The following ME3 variants were observed in gnomAD, a reference collection of about 807,000 sequenced individuals.
ME3 encodes the protein malic enzyme 3.
ME3 carries 48 observed loss-of-function variants against 68.9 expected under a neutral mutation model. The ratio of observed to expected loss-of-function variants is 0.70; its 90% CI spans 0.55 to 0.89. The LOEUF is 0.89. Ranked by LOEUF, ME3 falls within the 40% of genes least tolerant of loss-of-function variation. The pLI, the probability that ME3 is intolerant of heterozygous loss-of-function variation, is 0.00. For synonymous variants in ME3, 320 were observed against 318.8 expected (o/e 1.00, Z -0.04); for missense variants, 675 against 797.4 (o/e 0.85, Z 1.85).
chr11:86,668,254 G>A (rs1247921223), intron 2 of ME3: 1 of 152,060 alleles, frequency 6.6e-6, no homozygotes, highest in Non-Finnish European at 1.5e-5. Context: ...TTTGGAAAAT[G>A]AAAATGTTGG....
intron 2 of ME3, among the ~76,000 whole-genome samples, chr11:86,575,053 G>T (rs1958023621): frequency 6.8e-6 from 1 of 147,086 alleles, no homozygotes; most frequent in Admixed American, 6.7e-5. Flanking sequence ...GACACAGCCT[G>T]CTTTCAGTGT....
intron 2 of ME3, among the ~76,000 whole-genome samples, chr11:86,598,627 G>C (rs1959996456): frequency 2.0e-5 from 3 of 152,196 alleles, no homozygotes; most frequent in Admixed American, 2.0e-4. Flanking sequence ...CTGGAGATCT[G>C]AGAATGGGAA....
chr11:86,484,587 T>G (rs1221074621), intron 7 of ME3, among the ~76,000 whole-genome samples: 1 of 152,212 alleles, frequency 6.6e-6, no homozygotes, highest in Non-Finnish European at 1.5e-5. Flanking sequence ...GAGGATAGTT[T>G]GAACAGCTTC....
intron 4 of ME3, among the ~76,000 whole-genome samples, chr11:86,514,415 T>C (rs1953748010): frequency 6.6e-6 from 1 of 152,164 alleles, no homozygotes; most frequent in Non-Finnish European, 1.5e-5. Flanking sequence ...CAGGAGGTGC[T>C]CCTACCTAGG....
intron 2 of ME3, among the ~76,000 whole-genome samples, chr11:86,593,830 A>G (rs771048950): frequency 6.8e-6 from 1 of 146,788 alleles, no homozygotes; most frequent in African/African-American, 2.5e-5. Context: ...CTAAAATGTT[A>G]TTAAAAAACA....
intron 5 of ME3, among the ~76,000 whole-genome samples, chr11:86,499,435 T>A (rs536509507): frequency 2.3e-4 from 35 of 152,290 alleles, no homozygotes; most frequent in African/African-American, 8.2e-4. Context: ...GGAACCTGGC[T>A]TTGGATCCAT....
At position 86,521,414 on chromosome 11, in the gene ME3, AAAAC is replaced by A. The variant is rs1373712021; in HGVS notation, c.468-12551_468-12548del. 4.3e-4 allele frequency among the ~76,000 whole-genome samples: 46 copies of A among 108,192 alleles called. 1 individual carries two copies. Among genetic ancestry groups the A allele is most frequent in the Non-Finnish European group, 5.4e-4 (27 of 49,980 alleles). The allele number at this position is 108,192 out of a possible 152,430, so 71.0% of individuals were successfully genotyped here. A position where few individuals can be genotyped will look rare whatever the true frequency, so the allele number is the denominator to read the frequency against. ...CATCTCAAAAACAAACAAACAAAAC[AAAAC>A]AAAACAAAACAAAAATAATAATAAT... is the stretch of plus-strand genomic sequence containing the variant. On this transcript the variant is annotated intron_variant, in intron 4 of 14. Transcript: ENST00000543262.
chr11:86,523,007 T>C (rs1414537234), intron 4 of ME3, among the ~76,000 whole-genome samples: 1 of 152,160 alleles, frequency 6.6e-6, no homozygotes, highest in African/African-American at 2.4e-5. Context: ...CCACAGTCTT[T>C]TGCCCTTCAT....
Position 86,605,945 on chromosome 11 carries a change from C to T in ME3, c.184-46122G>A, listed in dbSNP as rs550963750. Among the ~76,000 whole-genome samples, 91 of 152,274 alleles carry T rather than the reference C, an allele frequency of 6.0e-4. 1 individual carries two copies. The highest frequency in any genetic ancestry group is 9.6e-4 in the Non-Finnish European group (65 of 68,030). On this transcript the variant is annotated intron_variant, in intron 2 of 14. Coordinates refer to ENST00000543262, the Ensembl canonical transcript of ME3. Reference sequence around the variant, plus strand: ...CCAACCTCACCCCAAGTCCCATGGGCCTCCCACAAGTGCCCAGAAAAATCT... The same window carrying T: ...CCAACCTCACCCCAAGTCCCATGGGTCTCCCACAAGTGCCCAGAAAAATCT...
At chr11:86,449,742 T>C (rs1045349506) in intron 10 of ME3, 147 bp downstream of exon 10, 1 of 602,246 alleles carries the variant, frequency 1.7e-6, no homozygotes, top group Non-Finnish European at 2.9e-6. Context: ...TACTTTGGGA[T>C]GAATCTTTTG....
intron 4 of ME3, among the ~76,000 whole-genome samples, chr11:86,530,110 C>A (rs1250923987): frequency 6.6e-6 from 1 of 152,216 alleles, no homozygotes; most frequent in African/African-American, 2.4e-5. Context: ...ACCCCATTGT[C>A]TCAGCCCAAA....
Position 86,478,184 on chromosome 11 carries a change from T to C in ME3, c.809+9153A>G, listed in dbSNP as rs377616014. Among the ~76,000 whole-genome samples, 10 of 152,078 alleles carry C rather than the reference T, an allele frequency of 6.6e-5. No individual in the cohort carries two copies. The South Asian group carries it at 2.1e-3, about 32-fold the overall frequency. Reference sequence around the variant, plus strand: ...AAGCCACGCTTCCTAGGAACTACCATTGGTAGAGATGTTACTGAGTCATAG... The same window carrying C: ...AAGCCACGCTTCCTAGGAACTACCACTGGTAGAGATGTTACTGAGTCATAG... On this transcript the variant is annotated intron_variant, in intron 7 of 14. Coordinates refer to ENST00000543262, the Ensembl canonical transcript of ME3.
chr11:86,653,318 A>C (rs914918521), intron 2 of ME3, among the ~76,000 whole-genome samples: 7 of 152,336 alleles, frequency 4.6e-5, no homozygotes, highest in Middle Eastern at 6.8e-3. Context: ...CACCACACCC[A>C]TTCCAAAATT....
chr11:86,521,425 A>AAAATAATAATAATAATAAT (rs754170121), intron 4 of ME3, among the ~76,000 whole-genome samples: 1,491 of 117,706 alleles, frequency 0.013, 11 homozygotes, highest in African/African-American at 0.024. Flanking sequence ...AAACAAAACA[A>AAAATAATAATAATAATAAT]AACAAAAATA....
chr11:86,505,664 G>A (rs1275990326), intron 5 of ME3, among the ~76,000 whole-genome samples: 1 of 152,184 alleles, frequency 6.6e-6, no homozygotes, highest in Non-Finnish European at 1.5e-5. Context: ...AGTGCCCTTC[G>A]ATGTGTATAG....
chr11:86,521,028 C>T (rs1954236114), intron 4 of ME3, among the ~76,000 whole-genome samples: 1 of 152,178 alleles, frequency 6.6e-6, no homozygotes, highest in African/African-American at 2.4e-5. Flanking sequence ...AGCCCAAATC[C>T]AACCCTTATT....
chr11:86,649,911 C>A (rs1471246086), intron 2 of ME3, among the ~76,000 whole-genome samples: 1 of 152,114 alleles, frequency 6.6e-6, no homozygotes, highest in East Asian at 1.9e-4. Flanking sequence ...CAATGCTATT[C>A]CCATCAAGCT....
At chr11:86,536,549 T>C (rs968180110) in intron 4 of ME3, among the ~76,000 whole-genome samples, 1 of 138,638 alleles carries the variant, frequency 7.2e-6, no homozygotes, top group Non-Finnish European at 1.6e-5. Flanking sequence ...TCATCATCAC[T>C]GGCCATCAGA....
chr11:86,616,566 C>T (rs951963133), intron 2 of ME3, among the ~76,000 whole-genome samples: 23 of 152,244 alleles, frequency 1.5e-4, no homozygotes, highest in African/African-American at 5.5e-4. Flanking sequence ...ATCTGAAAGT[C>T]ACACAGCATC....
Sources: allele counts gnomAD v4.1 joint callset (sites outside exome capture counted in the v4.1 genomes callset), GRCh38; gene constraint gnomAD v4.1.1; transcripts MANE v1.5; gene names NCBI Gene and HGNC (gene_info 2026-07-23, HGNC 2026-07-21).